The following HS6ST3 variants were observed in gnomAD, a reference collection of about 807,000 sequenced individuals.
The protein encoded by HS6ST3 is heparan-sulfate 6-O-sulfotransferase 3.
In HS6ST3, 12 loss-of-function variants were observed where a neutral mutation model predicts 36.7. The observed-to-expected ratio is 0.33, with a 90% CI of 0.21 to 0.53. HS6ST3 has a LOEUF of 0.53. Among genes scored for constraint, HS6ST3 ranks in the 20% least tolerant of loss-of-function variants. The pLI is 0.95. For missense variants in HS6ST3, 584 were observed against 640.9 expected, an observed-to-expected ratio of 0.91 and a Z score of 0.96; for synonymous variants, 240 against 257.5, an observed-to-expected ratio of 0.93 and a Z score of 0.65.
intron 1 of HS6ST3, among the ~76,000 whole-genome samples, chr13:96,782,481 A>G (rs1001478970): frequency 6.6e-6 from 1 of 152,000 alleles, no homozygotes; most frequent in African/African-American, 2.4e-5. Context: ...GGGGATTTGG[A>G]ATTTGGGAGG....
chr13:96,266,346 G>C (rs1220466615), intron 1 of HS6ST3, among the ~76,000 whole-genome samples: 1 of 152,140 alleles, frequency 6.6e-6, no homozygotes, highest in Non-Finnish European at 1.5e-5. Flanking sequence ...TGCAGAGATT[G>C]GAGAATCATT....
Position 96,799,964 on chromosome 13 carries a change from G to GTATATATATATA in HS6ST3, c.708-32525_708-32524insATATATATATAT, listed in dbSNP as rs1878010736. On this transcript the variant is annotated intron_variant, in intron 1 of 1. Coordinates refer to ENST00000376705, the MANE Select transcript of HS6ST3 (RefSeq NM_153456.4). ...TGTGTGTATATATATATATATATAT[G>GTATATATATATA]TGTATATATATATATATGTATATAT... 1.3e-3 allele frequency among the ~76,000 whole-genome samples: 70 copies of GTATATATATATA among 55,308 alleles called. 2 individuals are homozygous for GTATATATATATA. The South Asian group carries it at 0.015, about 12-fold the overall frequency. 36.3% of individuals were successfully genotyped at this position (55,308 alleles called of 152,430 possible).
intron 1 of HS6ST3, among the ~76,000 whole-genome samples, chr13:96,466,356 T>C (rs2055813644): frequency 6.6e-6 from 1 of 152,210 alleles, no homozygotes; most frequent in Non-Finnish European, 1.5e-5. Flanking sequence ...ATAGTCACCA[T>C]GTTGTAGATT....
At position 96,387,691 on chromosome 13, in the gene HS6ST3, C is replaced by G. The variant is rs139350269; in HGVS notation, c.707+296122C>G. Among the ~76,000 whole-genome samples the G allele has an allele frequency of 7.0e-3, 1,058 of 152,228 alleles. 13 individuals carry two copies. Among genetic ancestry groups the G allele is most frequent in the Admixed American group, 0.028 (431 of 15,296 alleles). ...ACAGTCATGGACCAACTAAATTGCT[C>G]CAATTACCCCAAGGCTGCAAATATC... On this transcript the variant is annotated intron_variant, in intron 1 of 1. Transcript: ENST00000376705.
In HS6ST3 at chr13:96,833,064, C is replaced by T. The variant is rs1251826397; in HGVS notation, c.1282C>T (p.Gln428Ter). Residue 428 changes from glutamine to a stop codon, truncating the protein, a stop_gained, in exon 2 of 2, where the codon CAG becomes TAG. Coordinates refer to ENST00000376705, the MANE Select transcript of HS6ST3 (RefSeq NM_153456.4). LOFTEE classifies it high-confidence loss of function. ...CCACCACACCAAGCAGCTAGAGCAC[C>T]AGAGGGACCGCCAGAAGCGGCGGGA... ...RYHHTKQLEHQRDRQKRREER... is the reference protein window; with the variant it reads ...RYHHTKQLEH 6.2e-7 allele frequency: 1 copy of T among 1,612,850 alleles called. No homozygotes were observed. The highest frequency in any genetic ancestry group is 1.3e-5 in the African/African-American group (1 of 74,936).
chr13:96,296,067 C>T (rs2054853709), intron 1 of HS6ST3, among the ~76,000 whole-genome samples: 1 of 152,070 alleles, frequency 6.6e-6, no homozygotes, highest in Non-Finnish European at 1.5e-5. Flanking sequence ...AAAAATTAAA[C>T]AAAAATTAAA....
In HS6ST3 at chr13:96,665,094, C is replaced by T. The variant is rs916463844; in HGVS notation, c.708-167396C>T. On this transcript the variant is annotated intron_variant, in intron 1 of 1. Coordinates refer to ENST00000376705, the MANE Select transcript of HS6ST3 (RefSeq NM_153456.4). The stretch of plus-strand genomic sequence containing the variant: ...GGCTGAGCTGGGAGGATGGCTTGAG[C>T]CCGGGAGGTCAAGGCTGCAGTGAGC... Among the ~76,000 whole-genome samples the T allele has an allele frequency of 5.9e-5, 9 of 152,238 alleles. No homozygotes were observed. The East Asian group carries it at 1.7e-3, about 29-fold the overall frequency.
chr13:96,626,227 A>G lies in HS6ST3; in HGVS notation c.708-206263A>G, dbSNP rs1221856544. On this transcript the variant is annotated intron_variant, in intron 1 of 1. Transcript: ENST00000376705. ...TGCTATTTTTCTATATTGTCTACAT[A>G]TATTTCTATGCTACAGTTCTATAAA... 2.0e-5 allele frequency among the ~76,000 whole-genome samples: 3 copies of G among 152,164 alleles called. No homozygotes were observed. The East Asian group carries it at 5.8e-4, about 29-fold the overall frequency.
chr13:96,679,485 A>G (rs1209692988), intron 1 of HS6ST3, among the ~76,000 whole-genome samples: 1 of 152,052 alleles, frequency 6.6e-6, no homozygotes, highest in Non-Finnish European at 1.5e-5. Flanking sequence ...GGACACATTC[A>G]CACAAGCATA....
At chr13:96,663,448 T>G (rs1405246486) in intron 1 of HS6ST3, among the ~76,000 whole-genome samples, 1 of 152,130 alleles carries the variant, frequency 6.6e-6, no homozygotes, top group Non-Finnish European at 1.5e-5. Context: ...AAGCCACAGT[T>G]AGGTGCCATT....
At position 96,566,638 on chromosome 13, in the gene HS6ST3, T is replaced by TAA. The variant is rs575614914; in HGVS notation, c.708-265851_708-265850dup. 2.0e-5 allele frequency among the ~76,000 whole-genome samples: 3 copies of TAA among 152,142 alleles called. No individual in the cohort carries two copies. The South Asian group carries it at 6.2e-4, about 31-fold the overall frequency. On this transcript the variant is annotated intron_variant, in intron 1 of 1. Transcript: ENST00000376705. Reference sequence around the variant, plus strand: ...CAACTGGGTAATTTATTAACTCTTGTAAGAGAAAAAGTGAACCAAAAAACT... The same window carrying TAA: ...CAACTGGGTAATTTATTAACTCTTGTAAAAGAGAAAAAGTGAACCAAAAAACT...
chr13:96,523,132 G>T (rs921311697), intron 1 of HS6ST3, among the ~76,000 whole-genome samples: 1 of 152,100 alleles, frequency 6.6e-6, no homozygotes, highest in Non-Finnish European at 1.5e-5. Flanking sequence ...GCTTAGTTTG[G>T]CTGGATATGA....
At chr13:96,651,967 G>A (rs2056609044) in intron 1 of HS6ST3, among the ~76,000 whole-genome samples, 1 of 151,976 alleles carries the variant, frequency 6.6e-6, no homozygotes, top group African/African-American at 2.4e-5. Flanking sequence ...CTATGTTACA[G>A]TCATGACACA....
intron 1 of HS6ST3, among the ~76,000 whole-genome samples, chr13:96,569,560 G>A (rs919312817): frequency 1.3e-5 from 2 of 151,918 alleles, no homozygotes; most frequent in African/African-American, 4.8e-5. Context: ...GATAACAACT[G>A]GTGAAAATGA....
At chr13:96,766,087 A>C (rs1457689222) in intron 1 of HS6ST3, among the ~76,000 whole-genome samples, 1 of 152,174 alleles carries the variant, frequency 6.6e-6, no homozygotes, top group Non-Finnish European at 1.5e-5. Flanking sequence ...TGTAAGAAAA[A>C]AAGCATAAGA....
At chr13:96,799,464 A>G (rs1202274929) in intron 1 of HS6ST3, among the ~76,000 whole-genome samples, 1 of 152,108 alleles carries the variant, frequency 6.6e-6, no homozygotes, top group African/African-American at 2.4e-5. Flanking sequence ...AAACATGATG[A>G]GTTCATGTCC....
intron 1 of HS6ST3, among the ~76,000 whole-genome samples, chr13:96,105,384 C>T (rs1329867653): frequency 6.6e-6 from 1 of 152,168 alleles, no homozygotes; most frequent in Non-Finnish European, 1.5e-5. Context: ...GGCACAATGG[C>T]TCACACCTAT....
chr13:96,194,968 T>G (rs2139347925), intron 1 of HS6ST3, among the ~76,000 whole-genome samples: 1 of 152,314 alleles, frequency 6.6e-6, no homozygotes, highest in East Asian at 1.9e-4. Flanking sequence ...TTGATTAGAC[T>G]TAGAGGTCAT....
In HS6ST3 at chr13:96,364,009, T is replaced by C. The variant is rs1236733792; in HGVS notation, c.707+272440T>C. On this transcript the variant is annotated intron_variant, in intron 1 of 1. Transcript: ENST00000376705. ...TTTTTAATGTTTATTTCGGTAAATA[T>C]TGGATAAGTTGAATGAGTCTAAAAT... 3.3e-5 allele frequency among the ~76,000 whole-genome samples: 5 copies of C among 152,126 alleles called. No individual in the cohort carries two copies. The East Asian group carries it at 5.8e-4, about 18-fold the overall frequency.
Sources: gnomAD v4.1 joint callset for allele counts (sites outside exome capture counted in the v4.1 genomes callset) on GRCh38, gnomAD v4.1.1 for gene constraint, MANE v1.5 for transcripts, NCBI Gene and HGNC (gene_info 2026-07-23, HGNC 2026-07-21) for gene names.